KAZN: variants seen among roughly 807,000 people sequenced by gnomAD.
KAZN encodes the protein kazrin.
KAZN carries 40 observed loss-of-function variants against 87.4 expected under a neutral mutation model. The observed-to-expected ratio is 0.46, with a 90% CI of 0.36 to 0.60. The LOEUF (loss-of-function observed/expected upper bound fraction) is 0.60, where lower values mean the gene tolerates loss of function less well. KAZN is among the 20% of genes least tolerant of loss of function. The pLI, the probability that KAZN is intolerant of heterozygous loss-of-function variation, is 0.00. For synonymous variants in KAZN, 466 were observed against 458.3 expected (o/e 1.02, Z -0.22); for missense variants, 898 against 1,073.9 (o/e 0.84, Z 2.29).
At chr1:14,458,860 T>C (rs1241194802) in intron 2 of KAZN, among the ~76,000 whole-genome samples, 3 of 152,156 alleles carry the variant, frequency 2.0e-5, no homozygotes, top group African/African-American at 7.2e-5. Context: ...CCATATTCAA[T>C]AAATATTTGT....
At chr1:14,842,126 A>T (rs1307267520) in intron 1 of KAZN, among the ~76,000 whole-genome samples, 2 of 151,984 alleles carry the variant, frequency 1.3e-5, no homozygotes, top group Non-Finnish European at 2.9e-5. Context: ...TGTCTTTGTT[A>T]TTCTCTACCT....
At chr1:14,044,609 G>C (rs548699215) in intron 1 of KAZN, among the ~76,000 whole-genome samples, 1 of 152,192 alleles carries the variant, frequency 6.6e-6, no homozygotes, top group South Asian at 2.1e-4. Flanking sequence ...TTATCATTAA[G>C]AGTGGTAAGT....
chr1:14,144,517 G>A (rs559290436), intron 1 of KAZN, among the ~76,000 whole-genome samples: 2 of 151,996 alleles, frequency 1.3e-5, no homozygotes, highest in South Asian at 4.2e-4. Flanking sequence ...TTGAACTCCT[G>A]GGCTCAAGTG....
At chr1:14,749,992 A>G (rs1212379837) in intron 1 of KAZN, among the ~76,000 whole-genome samples, 1 of 152,094 alleles carries the variant, frequency 6.6e-6, no homozygotes, top group Non-Finnish European at 1.5e-5. Flanking sequence ...ATGACATAGA[A>G]CAAAGACATA....
intron 2 of KAZN, among the ~76,000 whole-genome samples, chr1:14,571,351 A>G (rs923856167): frequency 3.0e-4 from 46 of 152,132 alleles, no homozygotes; most frequent in Non-Finnish European, 4.4e-5. Context: ...ACGAGTTATT[A>G]TTGGCCATAA....
intron 2 of KAZN, among the ~76,000 whole-genome samples, chr1:14,416,972 G>A (rs1168989599): frequency 2.2e-5 from 3 of 139,504 alleles, no homozygotes; most frequent in African/African-American, 5.3e-5. Context: ...GTATACATAT[G>A]TATATATGTG....
intron 13 of KAZN, among the ~76,000 whole-genome samples, chr1:15,106,730 C>T (rs1364726840): frequency 1.3e-5 from 2 of 151,944 alleles, no homozygotes; most frequent in African/African-American, 4.8e-5. Flanking sequence ...CTTCCCACAA[C>T]TTTGACAATG....
At chr1:14,239,686 C>T (rs1295829690) in intron 2 of KAZN, among the ~76,000 whole-genome samples, 3 of 151,786 alleles carry the variant, frequency 2.0e-5, no homozygotes, top group East Asian at 1.9e-4. Flanking sequence ...TCTCGAACTC[C>T]CGACCTCAGG....
At chr1:14,759,302 G>A (rs1264071050) in intron 1 of KAZN, among the ~76,000 whole-genome samples, 4 of 152,152 alleles carry the variant, frequency 2.6e-5, no homozygotes, top group South Asian at 4.2e-4. Flanking sequence ...TGGTAGTGCC[G>A]TGGCTATGTG....
Position 14,883,198 on chromosome 1 carries a change from G to A in KAZN, c.227-77486G>A, listed in dbSNP as rs1653526681. On this transcript the variant is annotated intron_variant, in intron 1 of 14. Transcript: ENST00000376030. ...TAATCCCAGTTACTCAGGAGGCTGA[G>A]GCAGGAGAATCACTTGAACCCAGGA... 5.9e-5 allele frequency among the ~76,000 whole-genome samples: 9 copies of A among 151,562 alleles called. No individual in the cohort carries two copies. The South Asian group carries it at 1.9e-3, about 32-fold the overall frequency.
chr1:14,694,171 C>T (rs1641475151), intron 1 of KAZN, among the ~76,000 whole-genome samples: 1 of 152,228 alleles, frequency 6.6e-6, no homozygotes, highest in South Asian at 2.1e-4. Flanking sequence ...CTGTGCCTTT[C>T]GGTCGACAGT....
At chr1:14,202,288 A>G (rs1646655590) in intron 2 of KAZN, among the ~76,000 whole-genome samples, 1 of 152,190 alleles carries the variant, frequency 6.6e-6, no homozygotes, top group Non-Finnish European at 1.5e-5. Flanking sequence ...GCGTTCTGCT[A>G]CAGTTCAGGC....
chr1:14,290,525 A>G (rs1040328407), intron 2 of KAZN, among the ~76,000 whole-genome samples: 5 of 152,128 alleles, frequency 3.3e-5, no homozygotes, highest in Non-Finnish European at 7.3e-5. Context: ...TTTCAGCTCC[A>G]TCAGGTCATT....
At chr1:14,214,847 C>T (rs936977105) in intron 2 of KAZN, among the ~76,000 whole-genome samples, 2 of 152,176 alleles carry the variant, frequency 1.3e-5, no homozygotes, top group African/African-American at 4.8e-5. Context: ...AGGCCGTGTG[C>T]TGAGCACAAG....
chr1:15,109,935 G>GTT (rs1553191656), intron 13 of KAZN, among the ~76,000 whole-genome samples: 53 of 133,036 alleles, frequency 4.0e-4, no homozygotes, highest in Middle Eastern at 7.6e-3. Context: ...GTGTGTGTGT[G>GTT]TGTGTGTTTG....
intron 2 of KAZN, among the ~76,000 whole-genome samples, chr1:14,249,400 G>A (rs910763220): frequency 6.6e-6 from 1 of 152,174 alleles, no homozygotes; most frequent in African/African-American, 2.4e-5. Context: ...AGAAATTATC[G>A]TCAACAAACC....
chr1:14,575,752 G>T (rs964079988), intron 2 of KAZN, among the ~76,000 whole-genome samples: 1 of 152,134 alleles, frequency 6.6e-6, no homozygotes, highest in East Asian at 1.9e-4. Flanking sequence ...TGAGGAACCT[G>T]GTCGTTCATC....
chr1:14,970,305 C>T (rs2101831599), intron 2 of KAZN, among the ~76,000 whole-genome samples: 1 of 152,222 alleles, frequency 6.6e-6, no homozygotes, highest in South Asian at 2.1e-4. Flanking sequence ...ATCTCATTGG[C>T]CAAAGCAAGT....
intron 2 of KAZN, among the ~76,000 whole-genome samples, chr1:14,276,560 C>T (rs550744934): frequency 6.6e-6 from 1 of 152,246 alleles, no homozygotes; most frequent in East Asian, 1.9e-4. Flanking sequence ...CTCTCTCCTA[C>T]CTCCTGGCAG....
Sources: allele counts gnomAD v4.1 joint callset (sites outside exome capture counted in the v4.1 genomes callset), GRCh38; gene constraint gnomAD v4.1.1; transcripts MANE v1.5; gene names NCBI Gene and HGNC (gene_info 2026-07-23, HGNC 2026-07-21).